Variants in LAMA5 observed in about 807,000 individuals in gnomAD.
The protein encoded by LAMA5 is laminin subunit alpha-5.
A neutral mutation model predicts 433.4 loss-of-function variants in LAMA5; 260 were observed. The observed-to-expected ratio is 0.60, with a 90% CI of 0.54 to 0.66. The LOEUF is 0.66. Ranked by LOEUF, LAMA5 falls within the 30% of genes least tolerant of loss-of-function variation. The pLI is 0.00. For synonymous variants in LAMA5, 2,620 were observed against 2,226.6 expected, an observed-to-expected ratio of 1.18 and a Z score of -4.97; for missense variants, 5,378 against 5,258.5, an observed-to-expected ratio of 1.02 and a Z score of -0.70.
rs773956500 is a variant in LAMA5 at position 62,322,722 on chromosome 20, T to C, written c.6101A>G (p.Asp2034Gly). The C allele has an allele frequency of 4.6e-5, 69 of 1,516,356 alleles. No individual in the cohort carries two copies. In the Middle Eastern group the frequency reaches 1.2e-3, roughly 26 times the overall value. The allele number at this position is 1,516,356 out of a possible 1,614,324, so 93.9% of individuals were successfully genotyped here. ...DCTPCGTEAC[D>G]PHSGHCLCKA... ...GCACAGGCAGTGCCCGCTGTGGGGGTCGCAGGCCTCTGTCCCACATGGGGT... is the reference window on the plus strand; with the variant it reads ...GCACAGGCAGTGCCCGCTGTGGGGGCCGCAGGCCTCTGTCCCACATGGGGT... The change falls in exon 46 of 80, where the codon GAC (aspartate) becomes GGC (glycine). Residue 2034 changes from aspartate to glycine, a missense_variant. Transcript: ENST00000252999.
chr20:62,361,913 G>C (rs1204154397), intron 2 of LAMA5, among the ~76,000 whole-genome samples: 2 of 152,208 alleles, frequency 1.3e-5, no homozygotes, highest in African/African-American at 4.8e-5. Flanking sequence ...GCTGGGGACT[G>C]GAGAGCAGGC....
In LAMA5 at chr20:62,315,260, T is replaced by G. The variant is rs571044493; in HGVS notation, c.7868-53A>C. ...AGGGGCCAGCGGGGACCATCCTGGC[T>G]TCATGTCCCCAAGTCTTTCTGTTGG... is the stretch of plus-strand genomic sequence containing the variant. On this transcript the variant is annotated intron_variant, in intron 58 of 79. Coordinates refer to ENST00000252999, the MANE Select transcript of LAMA5 (RefSeq NM_005560.6). 4.1e-6 allele frequency: 6 copies of G among 1,475,228 alleles called. No individual in the cohort carries two copies. The South Asian group carries it at 5.1e-5, about 13-fold the overall frequency. 91.4% of individuals were successfully genotyped at this position (1,475,228 alleles called of 1,614,324 possible). A position where few individuals can be genotyped will look rare whatever the true frequency, so the allele number is the denominator to read the frequency against.
intron 11 of LAMA5, among the ~76,000 whole-genome samples, chr20:62,345,219 C>G (rs1465920148): frequency 1.3e-5 from 2 of 151,304 alleles, no homozygotes; most frequent in African/African-American, 2.4e-5. Flanking sequence ...GCCAGGCTGG[C>G]CTTGAACTCC....
chr20:62,316,567 G>T, intron 57 of LAMA5, 104 bp downstream of exon 57: 1 of 836,046 alleles, frequency 1.2e-6, no homozygotes, highest in Non-Finnish European at 1.8e-6. Flanking sequence ...ACCATGCTGC[G>T]GTGACCCACA....
At position 62,345,410 on chromosome 20, in the gene LAMA5, CCA is replaced by C. The variant is rs1983211383; in HGVS notation, c.1477+406_1477+407del. 6 of 267,490 alleles carry C rather than the reference CCA, an allele frequency of 2.2e-5. No homozygotes were observed. The South Asian group carries it at 2.3e-4, about 10-fold the overall frequency. 16.6% of individuals were successfully genotyped at this position (267,490 alleles called of 1,614,324 possible). ...TTACATATGTATACATGTGCCATGC[CCA>C]GTTTTCTTTTTTGAAACAAGGTCTC... On this transcript the variant is annotated intron_variant, in intron 11 of 79. Coordinates refer to ENST00000252999, the MANE Select transcript of LAMA5 (RefSeq NM_005560.6).
chr20:62,327,296 C>T lies in LAMA5; in HGVS notation c.5049G>A (p.Glu1683=), dbSNP rs987502896. Residue 1683 remains glutamate (E), a synonymous_variant, in exon 38 of 80, where the codon GAG becomes GAA. Coordinates refer to ENST00000252999, the MANE Select transcript of LAMA5 (RefSeq NM_005560.6). Reference sequence around the variant, plus strand: ...GCTCGGGGAAAGCCTCGGGCACAGCCTCAGGCACGTGCCGCAGGTCTGCAC... The same window carrying T: ...GCTCGGGGAAAGCCTCGGGCACAGCTTCAGGCACGTGCCGCAGGTCTGCAC... The part of the protein sequence containing the change: ...MLRADLRHVP[E]AVPEAFPELY... The T allele has an allele frequency of 1.3e-6, 2 of 1,587,122 alleles. No homozygotes were observed. The highest frequency in any genetic ancestry group is 2.3e-5 in the South Asian group (2 of 87,736).
chr20:62,363,101 A>C (rs1348942882), intron 1 of LAMA5, among the ~76,000 whole-genome samples: 6 of 152,204 alleles, frequency 3.9e-5, no homozygotes, highest in Admixed American at 3.9e-4. Context: ...AGCTGCAGAC[A>C]GAAGGACCGT....
chr20:62,358,614 C>T (rs534271807), intron 2 of LAMA5, among the ~76,000 whole-genome samples: 28 of 152,266 alleles, frequency 1.8e-4, no homozygotes, highest in African/African-American at 5.8e-4. Context: ...GCTGGGCCTC[C>T]GGCAGGTCCT....
Position 62,309,974 on chromosome 20 carries a change from A to T in LAMA5, c.10828+14T>A, listed in dbSNP as rs918226392. The T allele has an allele frequency of 8.1e-6, 13 of 1,608,976 alleles. No homozygotes were observed. The African/African-American group carries it at 1.6e-4, about 20-fold the overall frequency. ...GGGGGTGGCAGAGTGCCCTGGCCAC[A>T]GGAGGGGCCTCACCCGCTAGCCGGT... On this transcript the variant is annotated intron_variant, in intron 78 of 79. Coordinates refer to ENST00000252999, the MANE Select transcript of LAMA5 (RefSeq NM_005560.6).
In LAMA5 at chr20:62,324,243, C is replaced by T; in HGVS notation, c.5644-39G>A. The T allele has an allele frequency of 6.3e-7, 1 of 1,575,100 alleles. No homozygotes were observed. The highest frequency in any genetic ancestry group is 1.2e-5 in the South Asian group (1 of 85,834). On this transcript the variant is annotated intron_variant, in intron 42 of 79. Transcript: ENST00000252999. This position sits in a 1 kb window ranked among gnomAD's most constrained non-coding sequence, Gnocchi z 4.4. ...GACAGTCAGAGCTATGGTGGACACC[C>T]ACATCCTACTGCCGAGTCTGTGCAG...
Position 62,330,017 on chromosome 20 carries a change from G to A in LAMA5, c.3980-101C>T, listed in dbSNP as rs775954844. 9.1e-5 allele frequency: 132 copies of A among 1,456,434 alleles called. 1 individual carries two copies. Among genetic ancestry groups the A allele is most frequent in the Admixed American group, 2.3e-4 (10 of 43,568 alleles). The allele number at this position is 1,456,434 out of a possible 1,614,324, so 90.2% of individuals were successfully genotyped here. ...GCGTTGGGGCAGCCAAGGAGTGCCC[G>A]CTGGCCAACGGCCACAGGCACGGGA... On this transcript the variant is annotated intron_variant, in intron 31 of 79. Coordinates refer to ENST00000252999, the MANE Select transcript of LAMA5 (RefSeq NM_005560.6).
At chr20:62,317,235 G>C in intron 55 of LAMA5, 110 bp downstream of exon 55, 1 of 1,293,962 alleles carries the variant, frequency 7.7e-7, no homozygotes. Context: ...TGGCTTCTTT[G>C]AGGACAACGG....
At chr20:62,341,566 A>G (rs6143030) in intron 11 of LAMA5, among the ~76,000 whole-genome samples, 1 of 151,958 alleles carries the variant, frequency 6.6e-6, no homozygotes, top group Non-Finnish European at 1.5e-5. Flanking sequence ...CTTCCTGTGC[A>G]TCAAAGTCAC....
At chr20:62,339,063 G>C (rs1982165716) in intron 11 of LAMA5, among the ~76,000 whole-genome samples, 1 of 151,758 alleles carries the variant, frequency 6.6e-6, no homozygotes, top group African/African-American at 2.4e-5. Flanking sequence ...TCCAACAAGG[G>C]AGAGGCGTGT....
In LAMA5 at chr20:62,322,179, G is replaced by A; in HGVS notation, c.6347-11C>T. ...CAGGGCACTGGCAGCCTGTGGTGGG[G>A]GGCTTGGGTGAGCATGGCTGGCCTG... is the stretch of plus-strand genomic sequence containing the variant. On this transcript the variant is annotated splice_polypyrimidine_tract_variant and intron_variant, in intron 47 of 79. Transcript: ENST00000252999. The A allele has an allele frequency of 3.2e-6, 5 of 1,585,996 alleles. No homozygotes were observed. Among genetic ancestry groups the A allele is most frequent in the Non-Finnish European group, 3.4e-6 (4 of 1,168,442 alleles).
chr20:62,320,404 A>C (rs532037034), intron 50 of LAMA5, among the ~76,000 whole-genome samples, 155 bp downstream of exon 50: 2 of 151,844 alleles, frequency 1.3e-5, no homozygotes, highest in South Asian at 2.1e-4. Context: ...ATAGTAATTC[A>C]GTGACTTGGT....
rs1986630344 is a variant in LAMA5 at position 62,313,978 on chromosome 20, ACGGG to A, written c.8505-180_8505-177del. ...AGACGGGTGGCGAGTGGGCACAGAG[ACGGG>A]TGGCGAGTGGGCACAGAGACGAGGG... On this transcript the variant is annotated intron_variant, in intron 62 of 79. Transcript: ENST00000252999. Among the ~76,000 whole-genome samples the A allele has an allele frequency of 2.9e-4, 2 of 6,824 alleles. 1 individual carries two copies. The highest frequency in any genetic ancestry group is 8.3e-4 in the Non-Finnish European group (2 of 2,422). The allele number at this position is 6,824 out of a possible 152,430, so 4.5% of individuals were successfully genotyped here. A position where few individuals can be genotyped will look rare whatever the true frequency, so the allele number is the denominator to read the frequency against.
intron 2 of LAMA5, among the ~76,000 whole-genome samples, chr20:62,355,834 T>C (rs980628077): frequency 2.6e-5 from 4 of 151,562 alleles, no homozygotes; most frequent in Admixed American, 2.0e-4. Flanking sequence ...AAGGACCCGC[T>C]AGAGGTGGAC....
Position 62,309,911 on chromosome 20 carries a change from A to C in LAMA5, c.10829-76T>G. 4 of 1,605,470 alleles carry C rather than the reference A, an allele frequency of 2.5e-6. No individual in the cohort carries two copies. In the South Asian group the frequency reaches 4.4e-5, roughly 18 times the overall value. ...CTCCAGCCCCAAAAGAAGCCACCCCACCCAGAGTCCCGCCTGGCTCCCGCT... is the reference window on the plus strand; with the variant it reads ...CTCCAGCCCCAAAAGAAGCCACCCCCCCCAGAGTCCCGCCTGGCTCCCGCT... On this transcript the variant is annotated intron_variant, in intron 78 of 79. Coordinates refer to ENST00000252999, the MANE Select transcript of LAMA5 (RefSeq NM_005560.6).
Sources: allele counts gnomAD v4.1 joint callset (sites outside exome capture counted in the v4.1 genomes callset), GRCh38; gene constraint gnomAD v4.1.1; non-coding constraint Gnocchi (gnomAD v3.1); transcripts MANE v1.5; gene names NCBI Gene and HGNC (gene_info 2026-07-23, HGNC 2026-07-21).